Variants in MCIDAS observed in about 807,000 individuals in gnomAD.
The protein encoded by MCIDAS is multicilin.
Under a neutral mutation model 35.4 loss-of-function variants are expected in MCIDAS, and 23 were observed. That is an observed-to-expected ratio of 0.65 (90% CI 0.47 to 0.92). MCIDAS has a LOEUF of 0.92. Among genes scored for constraint, MCIDAS ranks in the 40% least tolerant of loss-of-function variants. The pLI is 0.00. For missense variants in MCIDAS, 480 were observed against 531.8 expected (o/e 0.90, Z 0.96); for synonymous variants, 228 against 235.2 (o/e 0.97, Z 0.28).
At chr5:55,220,842 T>G (rs1187119100) in intron 6 of MCIDAS, 36 bp from the exon 7 acceptor site, 2 of 1,505,244 alleles carry the variant, frequency 1.3e-6, no homozygotes, top group East Asian at 5.0e-5. Context: ...CCCTGGGGCC[T>G]GCCGGACCCT....
rs1215244742 is a variant in MCIDAS, at chr5:55,223,894, GC to G, written c.310-872del. 6.6e-6 allele frequency among the ~76,000 whole-genome samples: 1 copy of G among 152,174 alleles called. No homozygotes were observed. The highest frequency in any genetic ancestry group is 2.4e-5 in the African/African-American group (1 of 41,436). ...CAACATTATGAACTGTACTCTCCCG[GC>G]CTCCTGCAGAGTGTCTGGGTGTGTG... On this transcript the variant is annotated intron_variant, in intron 3 of 6. Transcript: ENST00000513312. The surrounding 1 kb of genome is among the most constrained non-coding windows in gnomAD (Gnocchi z 4.4).
In MCIDAS at chr5:55,221,146, C is replaced by T; in HGVS notation, c.607-20G>A. ...GTGCAGCTGCAGGAGGAGACCCAAACATTCAGGGGTAGGTACTGTGCTGGG... is the reference window on the plus strand; with the variant it reads ...GTGCAGCTGCAGGAGGAGACCCAAATATTCAGGGGTAGGTACTGTGCTGGG... On this transcript the variant is annotated intron_variant, in intron 5 of 6. Transcript: ENST00000513312. The T allele has an allele frequency of 2.0e-6, 3 of 1,515,938 alleles. No homozygotes were observed. The highest frequency in any genetic ancestry group is 2.7e-6 in the Non-Finnish European group (3 of 1,128,716). The allele number at this position is 1,515,938 out of a possible 1,614,324, so 93.9% of individuals were successfully genotyped here.
rs114168410 is a variant in MCIDAS, at chr5:55,220,132, T to A, written c.*234A>T. 1,256 of 455,720 alleles carry A rather than the reference T, an allele frequency of 2.8e-3. 15 individuals carry two copies. Among genetic ancestry groups the A allele is most frequent in the African/African-American group, 0.022 (1,132 of 50,796 alleles). The allele number at this position is 455,720 out of a possible 1,614,324, so 28.2% of individuals were successfully genotyped here. A position where few individuals can be genotyped will look rare whatever the true frequency, so the allele number is the denominator to read the frequency against. On this transcript the variant is annotated 3_prime_UTR_variant, in exon 7 of 7. Transcript: ENST00000513312. ...CAAAGCTGCTAAAAATAAATACTTT[T>A]AAAATTGGCTGTGACATATGTGACA...
Position 55,221,070 on chromosome 5 carries a change from G to T in MCIDAS, c.663C>A (p.Asn221Lys). The T allele has an allele frequency of 6.5e-7, 1 of 1,536,114 alleles. No individual in the cohort carries two copies. Among genetic ancestry groups the T allele is most frequent in the Non-Finnish European group, 8.7e-7 (1 of 1,146,888 alleles). ...QEEIASLKER[N>K]VQLKELASRT... Reference sequence around the variant, plus strand: ...GGCTGGCGAGTTCCTTCAGCTGCACGTTCCGCTCCTTGAGCGAGGCGATCT... The same window carrying T: ...GGCTGGCGAGTTCCTTCAGCTGCACTTTCCGCTCCTTGAGCGAGGCGATCT... The change falls in exon 6 of 7, where the codon AAC becomes AAA. Residue 221 changes from asparagine to lysine, a missense_variant. Transcript: ENST00000513312.
At chr5:55,222,912 A>C (rs1463288171) in intron 4 of MCIDAS, 39 bp downstream of exon 4, 2 of 1,511,766 alleles carry the variant, frequency 1.3e-6, no homozygotes, top group Non-Finnish European at 1.8e-6. Context: ...AGTGGGGGAC[A>C]CCCCCGCTGT....
At position 55,222,945 on chromosome 5, in the gene MCIDAS, A is replaced by G; in HGVS notation, c.382+6T>C. ...TGTTATTTAACTGCCAGGAGACTGC[A>G]CTTGCCTGAAATGAGATCATCCACC... On this transcript the variant is annotated splice_donor_region_variant and intron_variant, in intron 4 of 6. Coordinates refer to ENST00000513312, the MANE Select transcript of MCIDAS (RefSeq NM_001190787.3). 1.1e-5 allele frequency: 17 copies of G among 1,535,862 alleles called. No homozygotes were observed. The highest frequency in any genetic ancestry group is 1.5e-5 in the Non-Finnish European group (17 of 1,146,664).
intron 3 of MCIDAS, among the ~76,000 whole-genome samples, chr5:55,224,687 C>T (rs78437215): frequency 0.017 from 2,634 of 152,270 alleles, 81 homozygotes; most frequent in African/African-American, 0.059. Context: ...CCTCTTATGC[C>T]AATCCAGGTG....
In MCIDAS at chr5:55,223,055, C is replaced by A; in HGVS notation, c.310-32G>T. 3 of 1,506,804 alleles carry A rather than the reference C, an allele frequency of 2.0e-6. No homozygotes were observed. Among genetic ancestry groups the A allele is most frequent in the Non-Finnish European group, 2.7e-6 (3 of 1,120,818 alleles). 93.3% of individuals were successfully genotyped at this position (1,506,804 alleles called of 1,614,324 possible). On this transcript the variant is annotated intron_variant, in intron 3 of 6. Coordinates refer to ENST00000513312, the MANE Select transcript of MCIDAS (RefSeq NM_001190787.3). This position sits in a 1 kb window ranked among gnomAD's most constrained non-coding sequence, Gnocchi z 4.4. ...AAAACCAGAGGTGTACACTGGTTAA[C>A]GAGTCTGGCGTTAGAAAGCCTTCAA...
At chr5:55,220,942 G>A in intron 6 of MCIDAS, 74 bp downstream of exon 6, 2 of 1,458,886 alleles carry the variant, frequency 1.4e-6, no homozygotes, top group Middle Eastern at 1.9e-4. Context: ...CACGGGTCCC[G>A]ATGCTGGGCG....
At chr5:55,221,156 T>C in intron 5 of MCIDAS, 30 bp from the exon 6 acceptor site, 1 of 1,494,518 alleles carries the variant, frequency 6.7e-7, no homozygotes, top group Non-Finnish European at 9.0e-7. Flanking sequence ...CATTCAGGGG[T>C]AGGTACTGTG....
intron 3 of MCIDAS, 35 bp downstream of exon 3, chr5:55,226,541 G>T (rs1239587415): frequency 6.6e-7 from 1 of 1,524,084 alleles, no homozygotes; most frequent in Non-Finnish European, 8.8e-7. Flanking sequence ...TTTGGGTTGC[G>T]TGAAACCACG....
chr5:55,226,701 G>C (rs994601232), intron 2 of MCIDAS, 34 bp from the exon 3 acceptor site: 14 of 1,463,556 alleles, frequency 9.6e-6, no homozygotes, highest in Middle Eastern at 4.4e-4. Context: ...CGCGCCGGGC[G>C]GGCCCTGAGC....
rs760430457 is a variant in MCIDAS at position 55,219,659 on chromosome 5, C to G, written c.*707G>C. The G allele has an allele frequency of 6.6e-6, 1 of 151,558 alleles. No homozygotes were observed. Among genetic ancestry groups the G allele is most frequent in the Non-Finnish European group, 1.5e-5 (1 of 67,968 alleles). 9.4% of individuals were successfully genotyped at this position (151,558 alleles called of 1,614,324 possible). On this transcript the variant is annotated 3_prime_UTR_variant, in exon 7 of 7. Coordinates refer to ENST00000513312, the MANE Select transcript of MCIDAS (RefSeq NM_001190787.3). ...GGTTATTCTATTTGCACAAATAGAA[C>G]TGTATGGATAATGAATATAAACTGT...
In MCIDAS at chr5:55,220,772, G is replaced by A. The variant is rs1463644495; in HGVS notation, c.752C>T (p.Ala251Val). 6.5e-7 allele frequency: 1 copy of A among 1,533,550 alleles called. No homozygotes were observed. The highest frequency in any genetic ancestry group is 8.7e-7 in the Non-Finnish European group (1 of 1,144,918). The allele number at this position is 1,533,550 out of a possible 1,614,324, so 95.0% of individuals were successfully genotyped here. The change falls in exon 7 of 7, where the codon GCG becomes GTG. Residue 251 changes from alanine (A) to valine (V), a missense_variant. Transcript: ENST00000513312. ...CTTGAGCAGGAAGGGCTCGGCCGCC[G>A]CCCCACAATCCCGGGACTGTGTGAT... Reference protein sequence around the residue: ...LMITQSRDCGAAAEPFLLKAK... With the variant: ...LMITQSRDCGVAAEPFLLKAK...
chr5:55,220,923 C>T (rs2111690259), intron 6 of MCIDAS, 93 bp downstream of exon 6: 11 of 1,445,776 alleles, frequency 7.6e-6, no homozygotes, highest in African/African-American at 1.4e-5. Context: ...CTCTCCTCTC[C>T]CGGGCCCCCA....
chr5:55,222,136 C>A (rs1259459821), intron 5 of MCIDAS, 40 bp downstream of exon 5: 1 of 1,523,254 alleles, frequency 6.6e-7, no homozygotes, highest in Non-Finnish European at 8.8e-7. Context: ...ATATCCTGTC[C>A]CTGCCCCAGG....
rs1561115877 is a variant in MCIDAS at position 55,222,993 on chromosome 5, T to C, written c.340A>G (p.Asn114Asp). 2 of 1,536,156 alleles carry C rather than the reference T, an allele frequency of 1.3e-6. No homozygotes were observed. Among genetic ancestry groups the C allele is most frequent in the Non-Finnish European group, 8.7e-7 (1 of 1,146,918 alleles). ...NHSHQTEADF[N>D]LQDFRDTVDD... is the part of the protein sequence containing the mutation. The stretch of plus-strand genomic sequence containing the variant: ...ACCGTGTCTCTGAAATCTTGCAGAT[T>C]GAAGTCTGCTTCCGTTTGGTGGGAA... The change falls in exon 4 of 7, where the codon AAT becomes GAT. Residue 114 changes from asparagine to aspartate, a missense_variant. By Grantham distance (23) the Asn-to-Asp change is conservative (BLOSUM62 1). Coordinates refer to ENST00000513312, the MANE Select transcript of MCIDAS (RefSeq NM_001190787.3).
chr5:55,225,576 G>A (rs1356380349), intron 3 of MCIDAS, among the ~76,000 whole-genome samples: 1 of 152,248 alleles, frequency 6.6e-6, no homozygotes, highest in Middle Eastern at 3.2e-3. Flanking sequence ...CCTAAACTGA[G>A]TGTCTCTGGG....
chr5:55,223,393 C>T lies in MCIDAS; in HGVS notation c.310-370G>A, dbSNP rs2111695815. Among the ~76,000 whole-genome samples, 1 of 152,328 alleles carries T rather than the reference C, an allele frequency of 6.6e-6. No homozygotes were observed. The highest frequency in any genetic ancestry group is 1.9e-4 in the East Asian group (1 of 5,176). On this transcript the variant is annotated intron_variant, in intron 3 of 6. Transcript: ENST00000513312. The surrounding 1 kb of genome is among the most constrained non-coding windows in gnomAD (Gnocchi z 4.4). ...GGGGGAAGGGGGCAGCAGTTCGCGGCTCCTGCAGAGCAGCTGCGTGGCGGG... is the reference window on the plus strand; with the variant it reads ...GGGGGAAGGGGGCAGCAGTTCGCGGTTCCTGCAGAGCAGCTGCGTGGCGGG...
Sources: allele counts gnomAD v4.1 joint callset (sites outside exome capture counted in the v4.1 genomes callset), GRCh38; gene constraint gnomAD v4.1.1; non-coding constraint Gnocchi (gnomAD v3.1); transcripts MANE v1.5; gene names NCBI Gene and HGNC (gene_info 2026-07-23, HGNC 2026-07-21).